The following OXNAD1 variants were observed in gnomAD, a reference collection of about 807,000 sequenced individuals.
The protein encoded by OXNAD1 is oxidoreductase NAD binding domain containing 1.
Under a neutral mutation model 32.9 loss-of-function variants are expected in OXNAD1, and 34 were observed. The ratio of observed to expected loss-of-function variants is 1.03; its 90% CI spans 0.79 to 1.38. The LOEUF (loss-of-function observed/expected upper bound fraction) is 1.38. OXNAD1 is among the 40% of genes most tolerant of loss of function. The probability of loss-of-function intolerance (pLI) is 0.00; values close to 1 mark genes in which losing one functional copy is unlikely to be tolerated. For synonymous variants in OXNAD1, 134 were observed against 135.2 expected (o/e 0.99, Z 0.06); for missense variants, 407 against 379.4 (o/e 1.07, Z -0.60).
chr3:16,339,487 C>T (rs999842001), downstream of OXNAD1: 1 of 152,290 alleles, frequency 6.6e-6, no homozygotes, highest in African/African-American at 2.4e-5. Flanking sequence ...ACCTCCCATT[C>T]TATCTGGCTC....
In OXNAD1 at chr3:16,290,984, TG is replaced by T. The variant is rs111532805; in HGVS notation, c.291-3871del. ...CCCAGATATGGGGATGAGAATTTTT[TG>T]TGGTTCTGTGTTCCAATACATTTTT... On this transcript the variant is annotated intron_variant, in intron 5 of 8. Transcript: ENST00000285083. The surrounding 1 kb of genome is among the most constrained non-coding windows in gnomAD (Gnocchi z 4.2). 4.4e-4 allele frequency among the ~76,000 whole-genome samples: 67 copies of T among 152,348 alleles called. No individual in the cohort carries two copies. The highest frequency in any genetic ancestry group is 1.4e-3 in the African/African-American group (59 of 41,580).
chr3:16,324,497 T>G (rs1343027614), intron 9 of OXNAD1, among the ~76,000 whole-genome samples: 1 of 152,100 alleles, frequency 6.6e-6, no homozygotes, highest in East Asian at 1.9e-4. Flanking sequence ...TGACTCAACT[T>G]TTTTAGATTC....
rs1247092080 is a variant in OXNAD1 at position 16,316,979 on chromosome 3, A to G, written c.*30+13387A>G. 3.7e-6 allele frequency: 6 copies of G among 1,612,618 alleles called. No homozygotes were observed. The highest frequency in any genetic ancestry group is 1.3e-5 in the African/African-American group (1 of 74,398). On this transcript the variant is annotated intron_variant, in intron 9 of 9. Coordinates refer to the OXNAD1 transcript ENST00000435829. The surrounding 1 kb of genome is among the most constrained non-coding windows in gnomAD (Gnocchi z 4.5). ...CTGCACAGCCTCACCCTCCACACCC[A>G]CCCCACACAGCAGGCCACCAGGGGA...
At chr3:16,342,228 C>T (rs549072459), downstream of OXNAD1, among the ~76,000 whole-genome samples, 2 of 152,098 alleles carry the variant, frequency 1.3e-5, no homozygotes, top group African/African-American at 2.4e-5. This position sits in a 1 kb window ranked among gnomAD's most constrained non-coding sequence, Gnocchi z 4.0. Flanking sequence ...GAGGCAACCA[C>T]GAGTCCACTT....
Position 16,289,167 on chromosome 3 carries a change from G to A in OXNAD1, c.290+2719G>A, listed in dbSNP as rs1411363994. Among the ~76,000 whole-genome samples the A allele has an allele frequency of 6.6e-6, 1 of 152,186 alleles. No individual in the cohort carries two copies. Among genetic ancestry groups the A allele is most frequent in the Non-Finnish European group, 1.5e-5 (1 of 68,022 alleles). ...TTGTTTGATTTTAGCTTTTGTTATT[G>A]CTAATAAGTATTTCATTCAGTTAGA... On this transcript the variant is annotated intron_variant, in intron 5 of 8. Transcript: ENST00000285083. The surrounding 1 kb of genome is among the most constrained non-coding windows in gnomAD (Gnocchi z 4.9).
Position 16,306,055 on chromosome 3 carries a change from T to TTTTA in OXNAD1, c.*2494_*2495insTTAT, listed in dbSNP as rs1431796518. On this transcript the variant is annotated 3_prime_UTR_variant, in exon 9 of 9. Coordinates refer to ENST00000285083, the MANE Select transcript of OXNAD1 (RefSeq NM_138381.5). ...TAAATATTTGTTAATATGCTCAGAG[T>TTTTA]TGATAAGCTGGATTAAAGTGACTTC... The TTTTA allele has an allele frequency of 2.2e-4, 34 of 152,154 alleles. No homozygotes were observed. Among genetic ancestry groups the TTTTA allele is most frequent in the Admixed American group, 2.2e-3 (34 of 15,276 alleles). The allele number at this position is 152,154 out of a possible 1,614,324, so 9.4% of individuals were successfully genotyped here. A position where few individuals can be genotyped will look rare whatever the true frequency, so the allele number is the denominator to read the frequency against.
At chr3:16,270,898 C>A in intron 2 of OXNAD1, 47 bp from the exon 3 acceptor site, 2 of 1,611,316 alleles carry the variant, frequency 1.2e-6, no homozygotes, top group South Asian at 2.2e-5. Context: ...TGATATTTCC[C>A]CACTTTTAAA....
chr3:16,309,645 A>G (rs1559783083), downstream of OXNAD1, among the ~76,000 whole-genome samples: 2 of 151,844 alleles, frequency 1.3e-5, no homozygotes, highest in South Asian at 2.1e-4. Flanking sequence ...AAGCCCAGAG[A>G]GAAGAAACAA....
At chr3:16,306,459 A>G (rs915908167), downstream of OXNAD1, among the ~76,000 whole-genome samples, 9 of 152,220 alleles carry the variant, frequency 5.9e-5, no homozygotes, top group African/African-American at 2.2e-4. Flanking sequence ...CACAAGTGAC[A>G]ATGATTCCTT....
At position 16,303,281 on chromosome 3, in the gene OXNAD1, T is replaced by A; in HGVS notation, c.785-127T>A. The A allele has an allele frequency of 9.1e-7, 1 of 1,104,764 alleles. No homozygotes were observed. The highest frequency in any genetic ancestry group is 1.3e-6 in the Non-Finnish European group (1 of 762,686). 68.4% of individuals were successfully genotyped at this position (1,104,764 alleles called of 1,614,324 possible). A position where few individuals can be genotyped will look rare whatever the true frequency, so the allele number is the denominator to read the frequency against. On this transcript the variant is annotated intron_variant, in intron 8 of 8. Coordinates refer to ENST00000285083, the MANE Select transcript of OXNAD1 (RefSeq NM_138381.5). This position sits in a 1 kb window ranked among gnomAD's most constrained non-coding sequence, Gnocchi z 4.8. ...ATGCCAATAGGAGCCATACTGTGAA[T>A]GGCTTAAGAAGACTAGACTCACTGA...
intron 5 of OXNAD1, among the ~76,000 whole-genome samples, chr3:16,292,381 C>T (rs1301284308): frequency 4.0e-5 from 6 of 151,752 alleles, no homozygotes; most frequent in African/African-American, 9.7e-5. Context: ...TTAGTAGATA[C>T]GGGGTTTTAC....
At position 16,303,934 on chromosome 3, in the gene OXNAD1, A is replaced by G. The variant is rs2067366618; in HGVS notation, c.*372A>G. On this transcript the variant is annotated 3_prime_UTR_variant, in exon 9 of 9. Coordinates refer to ENST00000285083, the MANE Select transcript of OXNAD1 (RefSeq NM_138381.5). This position sits in a 1 kb window ranked among gnomAD's most constrained non-coding sequence, Gnocchi z 4.8. ...GAGTATAAAATGTGGGCTAGCTTTA[A>G]ATTATTTGACAGCCATCTATATATC... 6.4e-6 allele frequency: 1 copy of G among 156,038 alleles called. No homozygotes were observed. The highest frequency in any genetic ancestry group is 2.4e-5 in the African/African-American group (1 of 41,554). The allele number at this position is 156,038 out of a possible 1,614,324, so 9.7% of individuals were successfully genotyped here. A position where few individuals can be genotyped will look rare whatever the true frequency, so the allele number is the denominator to read the frequency against.
rs948256869 is a variant in OXNAD1, at chr3:16,284,793, G to C, written c.184-1549G>C. On this transcript the variant is annotated intron_variant, in intron 4 of 8. Transcript: ENST00000285083. This position sits in a 1 kb window ranked among gnomAD's most constrained non-coding sequence, Gnocchi z 4.1. ...TTGCCCAGAGTCACACAGCTGGTAA[G>C]CGGTAGAGCCAGGACTAAATACCAG... Among the ~76,000 whole-genome samples, 7 of 152,258 alleles carry C rather than the reference G, an allele frequency of 4.6e-5. No individual in the cohort carries two copies. The highest frequency in any genetic ancestry group is 1.7e-4 in the African/African-American group (7 of 41,476).
At chr3:16,283,033 A>C (rs2065858969) in intron 4 of OXNAD1, among the ~76,000 whole-genome samples, 1 of 152,058 alleles carries the variant, frequency 6.6e-6, no homozygotes, top group South Asian at 2.1e-4. Flanking sequence ...GGAAAGAAAA[A>C]ACATGAGCCA....
At chr3:16,323,583 G>GCAGGCGTCTCTTCTA in intron 9 of OXNAD1, 1 of 640,408 alleles carries the variant, frequency 1.6e-6, no homozygotes, top group Non-Finnish European at 2.7e-6. Flanking sequence ...GGTTAGAAGA[G>GCAGGCGTCTCTTCTA]ACGCCTGCTC....
chr3:16,272,456 A>T (rs2065016094), intron 4 of OXNAD1: 1 of 166,528 alleles, frequency 6.0e-6, no homozygotes, highest in African/African-American at 2.4e-5. Context: ...AAACTATTTC[A>T]TGTAAAGAAG....
At position 16,334,393 on chromosome 3, in the gene OXNAD1, C is replaced by T. The variant is rs1559826988; in HGVS notation, c.*31-2719C>T. On this transcript the variant is annotated intron_variant, in intron 9 of 9. Coordinates refer to the OXNAD1 transcript ENST00000435829. The surrounding 1 kb of genome is among the most constrained non-coding windows in gnomAD (Gnocchi z 4.3). ...TTACAAACACATTTTCCCTTTGACC[C>T]AACAATCTCACTTCTGGGAATTTAA... is the stretch of plus-strand genomic sequence containing the variant. Among the ~76,000 whole-genome samples the T allele has an allele frequency of 6.6e-6, 1 of 152,096 alleles. No homozygotes were observed. The highest frequency in any genetic ancestry group is 1.5e-5 in the Non-Finnish European group (1 of 68,028).
At chr3:16,347,300 TA>T (rs1482621720) in intron 9 of OXNAD1, among the ~76,000 whole-genome samples, 1 of 152,208 alleles carries the variant, frequency 6.6e-6, no homozygotes, top group Non-Finnish European at 1.5e-5. Flanking sequence ...ATCCATTTTC[TA>T]GGGGGGGCTA....
In OXNAD1 at chr3:16,312,253, A is replaced by G. The variant is rs2068029634; in HGVS notation, c.*30+8661A>G. Among the ~76,000 whole-genome samples the G allele has an allele frequency of 1.3e-5, 2 of 152,170 alleles. No homozygotes were observed. The highest frequency in any genetic ancestry group is 4.1e-4 in the South Asian group (2 of 4,826). On this transcript the variant is annotated intron_variant, in intron 9 of 9. Coordinates refer to the OXNAD1 transcript ENST00000435829. This position sits in a 1 kb window ranked among gnomAD's most constrained non-coding sequence, Gnocchi z 4.7. ...CTCATGTCCACACACTTCCCTGTTCAAAACTCTAGGAGCCAGGTACAGGAA... is the reference window on the plus strand; with the variant it reads ...CTCATGTCCACACACTTCCCTGTTCGAAACTCTAGGAGCCAGGTACAGGAA...
Sources: gnomAD v4.1 joint callset for allele counts (sites outside exome capture counted in the v4.1 genomes callset) on GRCh38, gnomAD v4.1.1 for gene constraint, Gnocchi (gnomAD v3.1) non-coding constraint, MANE v1.5 for transcripts, NCBI Gene and HGNC (gene_info 2026-07-23, HGNC 2026-07-21) for gene names.